The following ZSCAN1 variants were observed in gnomAD, a reference collection of about 807,000 sequenced individuals.
ZSCAN1 encodes the protein zinc finger and SCAN domain-containing protein 1.
A neutral mutation model predicts 23.8 loss-of-function variants in ZSCAN1; 23 were observed. The observed-to-expected ratio is 0.97, with a 90% confidence interval of 0.70 to 1.37. The LOEUF (loss-of-function observed/expected upper bound fraction) is 1.37, where lower values mean the gene tolerates loss of function less well. ZSCAN1 is among the 40% of genes most tolerant of loss of function. ZSCAN1 has a pLI of 0.00. For synonymous variants in ZSCAN1, 236 were observed against 232.3 expected, an observed-to-expected ratio of 1.02 and a Z score of -0.15; for missense variants, 575 against 554.0, an observed-to-expected ratio of 1.04 and a Z score of -0.38.
rs747497771 is a variant in ZSCAN1 at position 58,053,415 on chromosome 19, C to G, written c.605-14C>G. ...CACTCACTACAGGTGACCCATCTCC[C>G]TCGCCCTCCACAGGGTCCCGGGCCC... On this transcript the variant is annotated splice_polypyrimidine_tract_variant and intron_variant, in intron 5 of 5. Transcript: ENST00000282326. The surrounding 1 kb of genome is among the most constrained non-coding windows in gnomAD (Gnocchi z 5.8). 5 of 1,598,992 alleles carry G rather than the reference C, an allele frequency of 3.1e-6. No individual in the cohort carries two copies. In the Admixed American group the frequency reaches 8.4e-5, roughly 27 times the overall value.
rs573929025 is a variant in ZSCAN1 at position 58,040,979 on chromosome 19, C to A, written c.465+435C>A. On this transcript the variant is annotated intron_variant, in intron 4 of 5. Transcript: ENST00000282326. The surrounding 1 kb of genome is among the most constrained non-coding windows in gnomAD (Gnocchi z 5.8). ...ACCTGCTGTTGCGCAGGCCTCAAGG[C>A]GACGGGAGGGGCCCGGCTCGGTTGG... Among the ~76,000 whole-genome samples, 2 of 152,126 alleles carry A rather than the reference C, an allele frequency of 1.3e-5. No individual in the cohort carries two copies. The highest frequency in any genetic ancestry group is 4.8e-5 in the African/African-American group (2 of 41,416).
intron 3 of ZSCAN1, among the ~76,000 whole-genome samples, chr19:58,039,471 G>A (rs868265963): frequency 4.6e-5 from 7 of 152,054 alleles, no homozygotes; most frequent in Admixed American, 6.5e-5. Flanking sequence ...GCCCTGCACC[G>A]GCCACCCACC....
At chr19:58,039,405 G>C (rs2073767548) in intron 3 of ZSCAN1, among the ~76,000 whole-genome samples, 2 of 152,146 alleles carry the variant, frequency 1.3e-5, no homozygotes, top group Admixed American at 1.3e-4. Flanking sequence ...GCGGTGGTCT[G>C]CTTTCTACAT....
intron 4 of ZSCAN1, among the ~76,000 whole-genome samples, chr19:58,052,201 G>A (rs531273317): frequency 6.6e-6 from 1 of 152,324 alleles, no homozygotes; most frequent in Non-Finnish European, 1.5e-5. Context: ...TTTTGTACAG[G>A]GGCCCCTCGA....
At chr19:58,039,371 AG>A (rs1372039739) in intron 3 of ZSCAN1, among the ~76,000 whole-genome samples, 1 of 152,208 alleles carries the variant, frequency 6.6e-6, no homozygotes, top group Non-Finnish European at 1.5e-5. Flanking sequence ...TTTTGAGCAA[AG>A]GGCTCTCTAT....
At chr19:58,039,878 C>T (rs897957760) in intron 3 of ZSCAN1, among the ~76,000 whole-genome samples, 6 of 151,614 alleles carry the variant, frequency 4.0e-5, no homozygotes, top group South Asian at 2.1e-4. Context: ...CAGAGGTGGC[C>T]GTGATCTTGA....
intron 1 of ZSCAN1, among the ~76,000 whole-genome samples, chr19:58,034,814 G>C (rs2073722824): frequency 1.4e-5 from 2 of 139,116 alleles, no homozygotes; most frequent in Admixed American, 1.5e-4. Flanking sequence ...TGTATTCCCA[G>C]TGCGCTGCCC....
chr19:58,053,587 A>C lies in ZSCAN1; in HGVS notation c.763A>C (p.Thr255Pro). Residue 255 changes from threonine (T) to proline (P), a missense_variant, in exon 6 of 6, where the codon ACT becomes CCT. Transcript: ENST00000282326. The surrounding 1 kb of genome is among the most constrained non-coding windows in gnomAD (Gnocchi z 5.8). ...CAGTCCCCGAAGGAGAAACAGGAAC[A>C]CTGACCAGAGCGGCCGCCACCAGCC... is the stretch of plus-strand genomic sequence containing the variant. ...RISPRRRNRN[T>P]DQSGRHQPSL... is the part of the protein sequence containing the mutation. 1 of 1,614,136 alleles carries C rather than the reference A, an allele frequency of 6.2e-7. No homozygotes were observed. The highest frequency in any genetic ancestry group is 8.5e-7 in the Non-Finnish European group (1 of 1,180,024).
At chr19:58,050,042 T>C (rs747161768) in intron 4 of ZSCAN1, among the ~76,000 whole-genome samples, 14 of 151,958 alleles carry the variant, frequency 9.2e-5, no homozygotes, top group Non-Finnish European at 5.9e-5. Flanking sequence ...GAAATGAAGG[T>C]TGGTATCTCC....
chr19:58,041,207 G>C (rs2073786878), intron 4 of ZSCAN1, among the ~76,000 whole-genome samples: 1 of 152,268 alleles, frequency 6.6e-6, no homozygotes, highest in Non-Finnish European at 1.5e-5. Context: ...GAGCCGCCAA[G>C]GGAAACACAG....
At chr19:58,034,200 G>A (rs1298683050) in intron 1 of ZSCAN1, 39 bp downstream of exon 1, 1 of 151,230 alleles carries the variant, frequency 6.6e-6, no homozygotes, top group Non-Finnish European at 1.5e-5. Flanking sequence ...CCGCCCGCCA[G>A]AGCGTCCATC....
In ZSCAN1 at chr19:58,053,657, G is replaced by C. The variant is rs1568606742; in HGVS notation, c.833G>C (p.Gly278Ala). Residue 278 changes from glycine (G) to alanine (A), a missense_variant, in exon 6 of 6, where the codon GGC (glycine) becomes GCC (alanine). By Grantham distance (60) the Gly-to-Ala change is moderately conservative. Coordinates refer to ENST00000282326, the MANE Select transcript of ZSCAN1 (RefSeq NM_182572.4). This position sits in a 1 kb window ranked among gnomAD's most constrained non-coding sequence, Gnocchi z 5.8. ...GGTGGTACCCAAGAGGCTGTTGCAG[G>C]CATCTCGGTAGTGCCGCGTGGGCCC... is the stretch of plus-strand genomic sequence containing the variant. The part of the protein sequence containing the change: ...TKGGTQEAVA[G>A]ISVVPRGPRG... The C allele has an allele frequency of 6.2e-7, 1 of 1,614,188 alleles. No homozygotes were observed. The highest frequency in any genetic ancestry group is 8.5e-7 in the Non-Finnish European group (1 of 1,180,040).
chr19:58,042,551 TAGATTTAAAG>T (rs1171588110), intron 4 of ZSCAN1, among the ~76,000 whole-genome samples: 1 of 152,162 alleles, frequency 6.6e-6, no homozygotes, highest in Non-Finnish European at 1.5e-5. Context: ...GGCCCTAAAA[TAGATTTAAAG>T]ATCATCATGA....
intron 4 of ZSCAN1, chr19:58,044,509 A>C: frequency 2.4e-6 from 1 of 424,812 alleles, no homozygotes; most frequent in Non-Finnish European, 4.2e-6. Flanking sequence ...AGCCACCGAG[A>C]CGGCGAAGAG....
In ZSCAN1 at chr19:58,040,104, T is replaced by G. The variant is rs1281857689; in HGVS notation, c.371-346T>G. 6.6e-6 allele frequency among the ~76,000 whole-genome samples: 1 copy of G among 152,148 alleles called. No homozygotes were observed. The highest frequency in any genetic ancestry group is 1.5e-5 in the Non-Finnish European group (1 of 68,020). On this transcript the variant is annotated intron_variant, in intron 3 of 5. Transcript: ENST00000282326. This position sits in a 1 kb window ranked among gnomAD's most constrained non-coding sequence, Gnocchi z 5.8. ...GCTTCAGCAGTCGTCCTCTGTGCACTCTGTGCACACAGCCCCGGGGGGCTT... is the reference window on the plus strand; with the variant it reads ...GCTTCAGCAGTCGTCCTCTGTGCACGCTGTGCACACAGCCCCGGGGGGCTT...
intron 4 of ZSCAN1, among the ~76,000 whole-genome samples, chr19:58,041,152 G>C (rs908794245): frequency 1.3e-5 from 2 of 152,258 alleles, no homozygotes; most frequent in South Asian, 4.1e-4. Flanking sequence ...CGTATGATCA[G>C]GGCTACTGAG....
At chr19:58,046,132 AC>A in intron 4 of ZSCAN1, 1 of 707,046 alleles carries the variant, frequency 1.4e-6, no homozygotes, top group Non-Finnish European at 2.6e-6. Flanking sequence ...GCAGTCAGAG[AC>A]CATGAAGGAC....
At chr19:58,039,441 T>G (rs964907692) in intron 3 of ZSCAN1, among the ~76,000 whole-genome samples, 1 of 152,144 alleles carries the variant, frequency 6.6e-6, no homozygotes, top group African/African-American at 2.4e-5. Flanking sequence ...TATGAAACAG[T>G]AGAGCAAGTA....
chr19:58,038,313 C>A (rs2073757136), intron 3 of ZSCAN1, 107 bp downstream of exon 3: 1 of 1,429,872 alleles, frequency 7.0e-7, no homozygotes, highest in Non-Finnish European at 9.4e-7. Context: ...CTGCCCGGCC[C>A]CTCCCGACCA....
Sources: allele counts gnomAD v4.1 joint callset (sites outside exome capture counted in the v4.1 genomes callset), GRCh38; gene constraint gnomAD v4.1.1; non-coding constraint Gnocchi (gnomAD v3.1); transcripts MANE v1.5; gene names NCBI Gene and HGNC (gene_info 2026-07-23, HGNC 2026-07-21).